GALNT17: variants seen among roughly 807,000 people sequenced by gnomAD.
GALNT17 encodes the protein polypeptide N-acetylgalactosaminyltransferase 17.
Under a neutral mutation model 63.7 loss-of-function variants are expected in GALNT17, and 29 were observed. The observed-to-expected ratio is 0.46, with a 90% confidence interval of 0.34 to 0.62. GALNT17 has a LOEUF of 0.62. Among genes scored for constraint, GALNT17 ranks in the 20% least tolerant of loss-of-function variants. The pLI, the probability that GALNT17 is intolerant of heterozygous loss-of-function variation, is 0.01. For missense variants in GALNT17, 603 were observed against 799.6 expected (o/e 0.75, Z 2.97); for synonymous variants, 305 against 318.3 (o/e 0.96, Z 0.45).
At chr7:71,486,528 A>C (rs1442246207) in intron 5 of GALNT17, among the ~76,000 whole-genome samples, 1 of 151,870 alleles carries the variant, frequency 6.6e-6, no homozygotes, top group African/African-American at 2.4e-5. Flanking sequence ...GGTGCTCCAC[A>C]GTGCTGTAGG....
intron 1 of GALNT17, among the ~76,000 whole-genome samples, chr7:71,148,571 A>G (rs1788066880): frequency 6.6e-6 from 1 of 152,060 alleles, no homozygotes; most frequent in South Asian, 2.1e-4. Context: ...TGCCCTCTCT[A>G]CCCCTAATAC....
intron 3 of GALNT17, among the ~76,000 whole-genome samples, chr7:71,405,783 C>T (rs1793317854): frequency 6.6e-6 from 1 of 152,172 alleles, no homozygotes; most frequent in South Asian, 2.1e-4. Flanking sequence ...TAGAGTCCTC[C>T]TGACCTAATC....
chr7:71,481,381 G>A (rs377646835), intron 5 of GALNT17, among the ~76,000 whole-genome samples: 11 of 152,270 alleles, frequency 7.2e-5, no homozygotes, highest in African/African-American at 2.6e-4. Context: ...AACCCGGGAG[G>A]CAGAGCTGCA....
chr7:71,519,427 T>A (rs964456381), intron 5 of GALNT17, among the ~76,000 whole-genome samples: 1 of 152,184 alleles, frequency 6.6e-6, no homozygotes, highest in Non-Finnish European at 1.5e-5. Context: ...GTCTGTCCCT[T>A]CCTCCAATCT....
chr7:71,679,825 C>G (rs1791211816), intron 9 of GALNT17, among the ~76,000 whole-genome samples: 1 of 151,976 alleles, frequency 6.6e-6, no homozygotes, highest in African/African-American at 2.4e-5. Context: ...GTTTTTGGGT[C>G]AGATCTCCGG....
At chr7:71,703,920 G>A (rs927894270) in intron 9 of GALNT17, among the ~76,000 whole-genome samples, 2 of 152,174 alleles carry the variant, frequency 1.3e-5, no homozygotes, top group Non-Finnish European at 2.9e-5. Context: ...AAGGCAGTAA[G>A]GGCCCAGGAC....
At chr7:71,168,700 C>CGT (rs1166172380) in intron 1 of GALNT17, among the ~76,000 whole-genome samples, 7 of 83,274 alleles carry the variant, frequency 8.4e-5, no homozygotes, top group African/African-American at 3.5e-4. Context: ...CACATAGTTA[C>CGT]GTGTATGTGT....
At position 71,401,298 on chromosome 7, in the gene GALNT17, T is replaced by C. The variant is rs889899884; in HGVS notation, c.589+12897T>C. 6.6e-5 allele frequency among the ~76,000 whole-genome samples: 10 copies of C among 152,166 alleles called. No individual in the cohort carries two copies. In the East Asian group the frequency reaches 1.2e-3, roughly 18 times the overall value. Reference sequence around the variant, plus strand: ...TTTTAGTACAGATGGTGATTCGCCATGTTGGCCAGGCTGGTCTCGAACTTC... The same window carrying C: ...TTTTAGTACAGATGGTGATTCGCCACGTTGGCCAGGCTGGTCTCGAACTTC... On this transcript the variant is annotated intron_variant, in intron 3 of 10. Coordinates refer to ENST00000333538, the MANE Select transcript of GALNT17 (RefSeq NM_022479.3).
chr7:71,318,166 A>G (rs1299068629), intron 1 of GALNT17, among the ~76,000 whole-genome samples: 1 of 152,098 alleles, frequency 6.6e-6, no homozygotes, highest in Non-Finnish European at 1.5e-5. Context: ...TTGGCCTCCC[A>G]AGTACTGGGA....
chr7:71,340,620 T>TAAC (rs1051746028), intron 2 of GALNT17, among the ~76,000 whole-genome samples: 3 of 152,182 alleles, frequency 2.0e-5, no homozygotes, highest in African/African-American at 7.2e-5. Context: ...TAAAAGATGT[T>TAAC]AACAACAACA....
chr7:71,661,761 C>G (rs767665994), intron 6 of GALNT17, among the ~76,000 whole-genome samples: 5 of 152,188 alleles, frequency 3.3e-5, no homozygotes, highest in Admixed American at 2.0e-4. Flanking sequence ...CCAGGAGCCT[C>G]TGAGTCCTCC....
chr7:71,362,939 C>G (rs1343981713), intron 2 of GALNT17, among the ~76,000 whole-genome samples: 4 of 152,070 alleles, frequency 2.6e-5, no homozygotes, highest in African/African-American at 9.7e-5. Context: ...ATGTTGCCCT[C>G]CACACCTTCT....
At chr7:71,461,411 AT>A (rs1163881142) in intron 5 of GALNT17, among the ~76,000 whole-genome samples, 4 of 152,222 alleles carry the variant, frequency 2.6e-5, no homozygotes, top group African/African-American at 9.6e-5. Flanking sequence ...CTTTGTTCTC[AT>A]TAAGAAACCA....
In GALNT17 at chr7:71,450,532, T is replaced by G. The variant is rs1787242720; in HGVS notation, c.962+29427T>G. Among the ~76,000 whole-genome samples, 5 of 152,350 alleles carry G rather than the reference T, an allele frequency of 3.3e-5. No individual in the cohort carries two copies. The South Asian group carries it at 1.0e-3, about 32-fold the overall frequency. ...AATGAAAAAGACAGCCTTGGTGAGATATAATTCACGTCATATATTTTAAAC... is the reference window on the plus strand; with the variant it reads ...AATGAAAAAGACAGCCTTGGTGAGAGATAATTCACGTCATATATTTTAAAC... On this transcript the variant is annotated intron_variant, in intron 5 of 10. Transcript: ENST00000333538.
At chr7:71,473,439 A>G (rs905035269) in intron 5 of GALNT17, among the ~76,000 whole-genome samples, 1 of 152,212 alleles carries the variant, frequency 6.6e-6, no homozygotes, top group Non-Finnish European at 1.5e-5. Context: ...TCAAAGCAAT[A>G]TATTTTGGGG....
intron 1 of GALNT17, among the ~76,000 whole-genome samples, chr7:71,239,452 A>G (rs527864302): frequency 7.2e-5 from 11 of 152,372 alleles, no homozygotes; most frequent in Non-Finnish European, 1.5e-4. Flanking sequence ...AGCCTAGACA[A>G]CAGAGAGACA....
intron 1 of GALNT17, among the ~76,000 whole-genome samples, chr7:71,290,774 G>A (rs1018504975): frequency 4.6e-5 from 7 of 152,142 alleles, no homozygotes; most frequent in Non-Finnish European, 1.0e-4. Context: ...CCTGCTGTGG[G>A]TTACTGTTCT....
chr7:71,541,004 C>T (rs372760888), intron 5 of GALNT17, among the ~76,000 whole-genome samples: 14 of 151,962 alleles, frequency 9.2e-5, no homozygotes, highest in South Asian at 8.3e-4. Flanking sequence ...TTTGGGAGGT[C>T]GAGGTGGGCA....
intron 5 of GALNT17, among the ~76,000 whole-genome samples, chr7:71,437,665 C>T (rs1416407059): frequency 1.3e-5 from 2 of 152,144 alleles, no homozygotes; most frequent in Non-Finnish European, 2.9e-5. Flanking sequence ...TGTGATAGAA[C>T]ATCTCCCAGG....
Sources: allele counts gnomAD v4.1 joint callset (sites outside exome capture counted in the v4.1 genomes callset), GRCh38; gene constraint gnomAD v4.1.1; transcripts MANE v1.5; gene names NCBI Gene and HGNC (gene_info 2026-07-23, HGNC 2026-07-21).